Variants in TNNT2 observed in about 807,000 individuals in gnomAD.
TNNT2 encodes the protein troponin T2, cardiac type.
Under a neutral mutation model 62.4 loss-of-function variants are expected in TNNT2, and 34 were observed. That is an observed-to-expected ratio of 0.54 (90% CI 0.41 to 0.72). The LOEUF is 0.72. TNNT2 is among the 30% of genes least tolerant of loss of function. The pLI is 0.00. For synonymous variants in TNNT2, 123 were observed against 127.2 expected, an observed-to-expected ratio of 0.97 and a Z score of 0.22; for missense variants, 275 against 381.9, an observed-to-expected ratio of 0.72 and a Z score of 2.33.
In TNNT2 at chr1:201,367,798, C is replaced by A; in HGVS notation, c.172G>T (p.Glu58Ter). The change falls in exon 7 of 17, where the codon GAA becomes TAA. Residue 58 changes from glutamate to a stop codon, truncating the protein, a stop_gained. Transcript: ENST00000656932. LOFTEE classifies it high-confidence loss of function. ...TEETRAEEDE[E>*]EEEAKEAEDG... is the part of the protein sequence containing the mutation. Reference sequence around the variant, plus strand: ...TCAGCCTCCTTTGCTTCCTCTTCTTCTTCATCTTCTAAATGAAACACGAGA... The same window carrying A: ...TCAGCCTCCTTTGCTTCCTCTTCTTATTCATCTTCTAAATGAAACACGAGA... 2 of 1,614,190 alleles carry A rather than the reference C, an allele frequency of 1.2e-6. No homozygotes were observed. Among genetic ancestry groups the A allele is most frequent in the Non-Finnish European group, 1.7e-6 (2 of 1,180,040 alleles).
chr1:201,374,037 G>A (rs1438253500), intron 1 of TNNT2: 1 of 152,830 alleles, frequency 6.5e-6, no homozygotes, highest in African/African-American at 2.4e-5. Context: ...TGTGGTGATG[G>A]ATACGTGAAC....
At chr1:201,369,540 T>C (rs1660268072) in intron 5 of TNNT2, among the ~76,000 whole-genome samples, 1 of 152,166 alleles carries the variant, frequency 6.6e-6, no homozygotes, top group South Asian at 2.1e-4. Context: ...TTGGAGCAGC[T>C]TGGGAGACCA....
At chr1:201,366,951 C>T (rs769785477) in intron 7 of TNNT2, 80 bp from the exon 8 acceptor site, 9 of 1,611,266 alleles carry the variant, frequency 5.6e-6, no homozygotes, top group African/African-American at 2.7e-5. Flanking sequence ...GAGCTAGATC[C>T]CTGTGGATTT....
intron 7 of TNNT2, 32 bp downstream of exon 7, chr1:201,367,739 C>T (rs778048648): frequency 1.4e-5 from 23 of 1,613,454 alleles, no homozygotes; most frequent in Non-Finnish European, 2.0e-5. Context: ...GGTTCCTTTG[C>T]CTCCCTTGTA....
chr1:201,365,467 C>T lies in TNNT2; in HGVS notation c.294+143G>A, dbSNP rs1025640809. ...TGTGGCCTGAACCCAGGACCACGCT[C>T]ATGGATGGGCACCCAGCCTGGCTGG... On this transcript the variant is annotated intron_variant, in intron 9 of 16. Coordinates refer to ENST00000656932, the MANE Select transcript of TNNT2 (RefSeq NM_001276345.2). 6.7e-6 allele frequency: 8 copies of T among 1,193,418 alleles called. No individual in the cohort carries two copies. In the East Asian group the frequency reaches 1.6e-4, roughly 25 times the overall value. 73.9% of individuals were successfully genotyped at this position (1,193,418 alleles called of 1,614,324 possible). A position where few individuals can be genotyped will look rare whatever the true frequency, so the allele number is the denominator to read the frequency against.
intron 7 of TNNT2, chr1:201,367,107 G>T: frequency 1.6e-6 from 1 of 644,430 alleles, no homozygotes; most frequent in Non-Finnish European, 2.7e-6. Flanking sequence ...CACGCAGTGT[G>T]GAACTTCACA....
intron 6 of TNNT2, 121 bp from the exon 7 acceptor site, chr1:201,367,927 G>C (rs1366111483): frequency 1.6e-6 from 2 of 1,265,384 alleles, no homozygotes; most frequent in Admixed American, 1.7e-5. Flanking sequence ...GTTGGTTTTT[G>C]GGGTTACAGA....
At chr1:201,365,818 C>T in intron 8 of TNNT2, 148 bp from the exon 9 acceptor site, 2 of 1,531,468 alleles carry the variant, frequency 1.3e-6, no homozygotes, top group Non-Finnish European at 1.8e-6. Flanking sequence ...CTGACGTCAA[C>T]AATGGCAGTC....
chr1:201,367,400 C>T lies in TNNT2; in HGVS notation c.199+371G>A, dbSNP rs1659858008. 3 of 432,530 alleles carry T rather than the reference C, an allele frequency of 6.9e-6. No individual in the cohort carries two copies. In the Admixed American group the frequency reaches 1.1e-4, roughly 16 times the overall value. The allele number at this position is 432,530 out of a possible 1,614,324, so 26.8% of individuals were successfully genotyped here. On this transcript the variant is annotated intron_variant, in intron 7 of 16. Transcript: ENST00000656932. ...AGCATGACGATGACTGCAGCAATGA[C>T]CCACCATGACCATCTATGCATTGGG...
At chr1:201,369,475 G>A (rs968574153) in intron 5 of TNNT2, 6 of 493,328 alleles carry the variant, frequency 1.2e-5, no homozygotes, top group Admixed American at 7.0e-5. Context: ...GGGTGTGCGC[G>A]GGGGCAGGGT....
intron 2 of TNNT2, among the ~76,000 whole-genome samples, chr1:201,372,524 C>T (rs1660793108): frequency 6.6e-6 from 1 of 152,140 alleles, no homozygotes; most frequent in Non-Finnish European, 1.5e-5. Flanking sequence ...CTGCCTTCTC[C>T]ACACAGCCCC....
At position 201,359,194 on chromosome 1, in the gene TNNT2, TGAA is replaced by T. The variant is rs1157315951; in HGVS notation, c.*13_*15del. 1.9e-6 allele frequency: 3 copies of T among 1,606,806 alleles called. No homozygotes were observed. Among genetic ancestry groups the T allele is most frequent in the Non-Finnish European group, 2.5e-6 (3 of 1,177,584 alleles). On this transcript the variant is annotated 3_prime_UTR_variant, in exon 17 of 17. Coordinates refer to ENST00000656932, the MANE Select transcript of TNNT2 (RefSeq NM_001276345.2). ...GTGCGAGCGAGGAGCAGATCTTTGG[TGAA>T]GGAGGCCAGGCTCTATTTCCAGCGC...
At chr1:201,372,073 A>G (rs368759514) in intron 3 of TNNT2, 32 bp from the exon 4 acceptor site, 3 of 1,613,632 alleles carry the variant, frequency 1.9e-6, no homozygotes, top group African/African-American at 1.3e-5. Flanking sequence ...GCAGCAAGAG[A>G]AGAGAGAAGA....
chr1:201,361,855 C>G, intron 14 of TNNT2, 58 bp downstream of exon 14: 1 of 1,520,070 alleles, frequency 6.6e-7, no homozygotes, highest in Non-Finnish European at 9.1e-7. Flanking sequence ...GCCCTTGGCC[C>G]GACCCCTCCC....
chr1:201,366,537 T>C (rs1466174411), intron 8 of TNNT2: 1 of 1,274,042 alleles, frequency 7.8e-7, no homozygotes, highest in Non-Finnish European at 1.0e-6. Context: ...TGGAGGAGGG[T>C]GTTCTGGCCA....
intron 1 of TNNT2, chr1:201,373,763 G>T (rs779319165): frequency 8.3e-5 from 17 of 204,576 alleles, no homozygotes; most frequent in Non-Finnish European, 1.2e-4. Context: ...TAGTAAAGCT[G>T]GGATTTTGCC....
chr1:201,369,684 G>C, intron 5 of TNNT2, 132 bp downstream of exon 5: 3 of 1,089,686 alleles, frequency 2.8e-6, no homozygotes, highest in Non-Finnish European at 4.3e-6. Context: ...GGCAGGGGAG[G>C]AAACGACTGA....
chr1:201,361,511 G>A (rs1405343500), intron 14 of TNNT2, 142 bp from the exon 15 acceptor site: 22 of 825,138 alleles, frequency 2.7e-5, no homozygotes, highest in Non-Finnish European at 4.3e-5. Flanking sequence ...CCCACCCCCT[G>A]GGCCTGACCC....
chr1:201,361,752 C>G (rs1008550519), intron 14 of TNNT2, among the ~76,000 whole-genome samples, 161 bp downstream of exon 14: 4 of 152,196 alleles, frequency 2.6e-5, no homozygotes, highest in Admixed American at 2.6e-4. Flanking sequence ...AGGAGTTGGC[C>G]CGACCTGCTG....
Sources: allele counts gnomAD v4.1 joint callset (sites outside exome capture counted in the v4.1 genomes callset), GRCh38; gene constraint gnomAD v4.1.1; transcripts MANE v1.5; gene names NCBI Gene and HGNC (gene_info 2026-07-23, HGNC 2026-07-21).